C9orf72: variants seen among roughly 807,000 people sequenced by gnomAD.
C9orf72 encodes the protein C9orf72-SMCR8 complex subunit.
Under a neutral mutation model 51.6 loss-of-function variants are expected in C9orf72, and 44 were observed. The ratio of observed to expected loss-of-function variants is 0.85; its 90% CI spans 0.67 to 1.10. C9orf72 has a LOEUF of 1.10. Ranked by LOEUF, C9orf72 falls within the 50% of genes least tolerant of loss-of-function variation. The pLI is 0.00. For synonymous variants in C9orf72, 213 were observed against 194.2 expected (o/e 1.10, Z -0.81); for missense variants, 607 against 570.6 (o/e 1.06, Z -0.65).
intron 8 of C9orf72, among the ~76,000 whole-genome samples, chr9:27,551,316 A>G (rs1820904283): frequency 6.6e-6 from 1 of 152,230 alleles, no homozygotes; most frequent in Non-Finnish European, 1.5e-5. Flanking sequence ...TATAATGGCC[A>G]CTTAAAATAA....
chr9:27,552,795 C>T (rs1469337432), intron 8 of C9orf72, among the ~76,000 whole-genome samples: 1 of 152,246 alleles, frequency 6.6e-6, no homozygotes, highest in Admixed American at 6.5e-5. Flanking sequence ...GTTGAACCAA[C>T]CTTGCATCCC....
intron 5 of C9orf72, chr9:27,561,170 C>T: frequency 3.5e-6 from 3 of 855,240 alleles, no homozygotes; most frequent in Non-Finnish European, 4.2e-6. Flanking sequence ...GGTTTAAGGG[C>T]ACAAACTCTT....
chr9:27,548,937 T>G (rs773723), intron 9 of C9orf72, among the ~76,000 whole-genome samples: 69,403 of 151,600 alleles, frequency 0.46, 16,590 homozygotes, highest in Middle Eastern at 0.64. Context: ...CTACACCTCC[T>G]GGGTTCAAGC....
intron 8 of C9orf72, chr9:27,554,754 A>C (rs1043751234): frequency 7.6e-6 from 3 of 394,814 alleles, no homozygotes; most frequent in Non-Finnish European, 1.3e-5. Context: ...TATACTTAAA[A>C]GTAAAATGAC....
intron 9 of C9orf72, among the ~76,000 whole-genome samples, chr9:27,549,776 CA>C (rs35362390): frequency 0.3 from 40,690 of 136,604 alleles, 5,756 homozygotes; most frequent in East Asian, 0.49. Flanking sequence ...CTCCCTTTCT[CA>C]AAAAAAAAAA....
intron 8 of C9orf72, among the ~76,000 whole-genome samples, chr9:27,554,781 TAAC>T (rs1323138816): frequency 1.3e-5 from 2 of 152,214 alleles, no homozygotes; most frequent in Non-Finnish European, 2.9e-5. Context: ...ACAATAGACT[TAAC>T]ACACAATCTA....
At chr9:27,559,631 A>G (rs943452593) in intron 6 of C9orf72, 3 of 152,122 alleles carry the variant, frequency 2.0e-5, no homozygotes, top group Non-Finnish European at 4.4e-5. Flanking sequence ...TTATCTCTGA[A>G]CTCTTTCTAA....
intron 1 of C9orf72, 105 bp downstream of exon 1, chr9:27,573,326 T>TA (rs1819631879): frequency 6.3e-6 from 1 of 157,654 alleles, no homozygotes; most frequent in Non-Finnish European, 1.4e-5. Flanking sequence ...AGAGGGAAAG[T>TA]AAAAATGCGT....
At chr9:27,572,865 G>A (rs575347371) in intron 1 of C9orf72, among the ~76,000 whole-genome samples, 3 of 152,308 alleles carry the variant, frequency 2.0e-5, no homozygotes, top group South Asian at 2.1e-4. Flanking sequence ...CCACAGAATG[G>A]GGAGCACACC....
chr9:27,568,833 C>T (rs1368309221), intron 1 of C9orf72, among the ~76,000 whole-genome samples: 1 of 151,532 alleles, frequency 6.6e-6, no homozygotes, highest in African/African-American at 2.4e-5. Flanking sequence ...TGCACTCCTT[C>T]TACTTTTTTT....
chr9:27,556,146 T>G (rs909375611), intron 8 of C9orf72, among the ~76,000 whole-genome samples: 1 of 152,094 alleles, frequency 6.6e-6, no homozygotes, highest in Non-Finnish European at 1.5e-5. Context: ...TATTTTATAT[T>G]CATATGTCAA....
At chr9:27,552,370 C>G (rs1290010967) in intron 8 of C9orf72, among the ~76,000 whole-genome samples, 1 of 151,756 alleles carries the variant, frequency 6.6e-6, no homozygotes, top group African/African-American at 2.4e-5. Context: ...TTTTTTGAGA[C>G]AGGGTCTCAC....
In C9orf72 at chr9:27,556,501, C is replaced by T. The variant is rs190973131; in HGVS notation, c.1091+60G>A. ...ATGCAACTTCTGTTTTGTTTTTATT[C>T]GTAAAAGACACAATTTCATATTGCT... On this transcript the variant is annotated intron_variant, in intron 8 of 10. Transcript: ENST00000380003. The T allele has an allele frequency of 1.4e-4, 155 of 1,108,576 alleles. No individual in the cohort carries two copies. In the East Asian group the frequency reaches 1.8e-3, roughly 13 times the overall value. 68.7% of individuals were successfully genotyped at this position (1,108,576 alleles called of 1,614,324 possible).
rs1184345928 is a variant in C9orf72, at chr9:27,561,589, GAAGA to G, written c.657_660del (p.Leu220SerfsTer16). 4 of 1,612,256 alleles carry G rather than the reference GAAGA, an allele frequency of 2.5e-6. No homozygotes were observed. Among genetic ancestry groups the G allele is most frequent in the South Asian group, 1.1e-5 (1 of 90,916 alleles). The stretch of plus-strand genomic sequence containing the variant: ...TATGAAAAGAAAAATTCTTACTTGA[GAAGA>G]AAGCCTTCATGACAGCTGTCACCAA... On this transcript the variant is annotated frameshift_variant, in exon 5 of 11. Transcript: ENST00000380003. LOFTEE classifies it high-confidence loss of function.
intron 5 of C9orf72, 135 bp from the exon 6 acceptor site, chr9:27,560,434 A>C: frequency 1.5e-6 from 1 of 665,736 alleles, no homozygotes. Flanking sequence ...TATAAGCACA[A>C]TGTTATCTTT....
chr9:27,560,324 A>G (rs1415487623), intron 5 of C9orf72, 25 bp from the exon 6 acceptor site: 4 of 1,567,844 alleles, frequency 2.6e-6, no homozygotes, highest in Non-Finnish European at 3.5e-6. Context: ...AAACAGATTA[A>G]AAACATTGCC....
At chr9:27,568,483 T>C (rs962766876) in intron 1 of C9orf72, among the ~76,000 whole-genome samples, 5 of 152,228 alleles carry the variant, frequency 3.3e-5, no homozygotes, top group Non-Finnish European at 7.3e-5. Flanking sequence ...CTTGCTCAAC[T>C]TGTACATCTT....
intron 1 of C9orf72, among the ~76,000 whole-genome samples, chr9:27,570,104 T>C (rs565481555): frequency 1.3e-5 from 2 of 152,364 alleles, no homozygotes; most frequent in African/African-American, 4.8e-5. Flanking sequence ...ATTTAGGTAA[T>C]ATTTACTTTT....
At chr9:27,560,651 A>G in intron 5 of C9orf72, 1 of 1,013,762 alleles carries the variant, frequency 9.9e-7, no homozygotes, top group Non-Finnish European at 1.2e-6. Context: ...GATGTATGAA[A>G]GGCTGACACT....
Sources: allele counts gnomAD v4.1 joint callset (sites outside exome capture counted in the v4.1 genomes callset), GRCh38; gene constraint gnomAD v4.1.1; transcripts MANE v1.5; gene names NCBI Gene and HGNC (gene_info 2026-07-23, HGNC 2026-07-21).